The following ACBD5 variants were observed in gnomAD, a reference collection of about 807,000 sequenced individuals.
ACBD5 encodes the protein acyl-CoA-binding domain-containing protein 5.
In ACBD5, 40 loss-of-function variants were observed where a neutral mutation model predicts 71.8. That is an observed-to-expected ratio of 0.56 (90% CI 0.43 to 0.72). The LOEUF (loss-of-function observed/expected upper bound fraction) is 0.72. Among genes scored for constraint, ACBD5 ranks in the 30% least tolerant of loss-of-function variants. ACBD5 has a pLI of 0.00. For synonymous variants in ACBD5, 229 were observed against 218.6 expected, an observed-to-expected ratio of 1.05 and a Z score of -0.42; for missense variants, 559 against 644.5, an observed-to-expected ratio of 0.87 and a Z score of 1.44.
At position 27,204,433 on chromosome 10, in the gene ACBD5, G is replaced by C. The variant is rs377602962; in HGVS notation, c.1565+7C>G. ...TACACCATTTCAAATGATGAAACTG[G>C]TCTTACCTTCTCCTTCTTTGATAGT... On this transcript the variant is annotated splice_region_variant and intron_variant, in intron 12 of 12. Coordinates refer to ENST00000396271, the MANE Select transcript of ACBD5 (RefSeq NM_145698.5). 3.6e-5 allele frequency: 57 copies of C among 1,598,090 alleles called. No homozygotes were observed. The highest frequency in any genetic ancestry group is 4.1e-5 in the Non-Finnish European group (48 of 1,165,878).
intron 8 of ACBD5, among the ~76,000 whole-genome samples, chr10:27,213,877 T>C (rs1341933499): frequency 4.6e-5 from 7 of 152,200 alleles, no homozygotes; most frequent in Non-Finnish European, 7.3e-5. Flanking sequence ...CCCATGTTTA[T>C]TGCAGCACTA....
chr10:27,209,761 A>C (rs2060867356), intron 9 of ACBD5, among the ~76,000 whole-genome samples: 1 of 152,212 alleles, frequency 6.6e-6, no homozygotes, highest in South Asian at 2.1e-4. Context: ...ATTACCCCTT[A>C]TACATGATTT....
At chr10:27,240,936 C>G, upstream of ACBD5, 10 of 607,054 alleles carry the variant, frequency 1.6e-5, no homozygotes, top group South Asian at 2.0e-4. The surrounding 1 kb of genome is among the most constrained non-coding windows in gnomAD (Gnocchi z 4.1). Context: ...GTCCGTCTGT[C>G]CCCAGAGGAG....
intron 6 of ACBD5, among the ~76,000 whole-genome samples, chr10:27,218,805 C>T (rs1271914746): frequency 1.3e-5 from 2 of 151,928 alleles, no homozygotes; most frequent in African/African-American, 2.4e-5. Context: ...AGGCTGGTCT[C>T]GAACTCCCAA....
At chr10:27,186,935 A>C (rs2058794663) in intron 13 of ACBD5, 2 of 242,328 alleles carry the variant, frequency 8.3e-6, no homozygotes, top group Non-Finnish European at 1.6e-5. Context: ...ATTGTAATTT[A>C]CTTGCATATG....
At chr10:27,209,254 AG>A (rs946161711) in intron 9 of ACBD5, among the ~76,000 whole-genome samples, 4 of 152,064 alleles carry the variant, frequency 2.6e-5, no homozygotes, top group Non-Finnish European at 5.9e-5. Context: ...AGGTATTAAA[AG>A]TTACAGTAAA....
chr10:27,205,928 T>C (rs1369642030), intron 10 of ACBD5, among the ~76,000 whole-genome samples: 1 of 152,158 alleles, frequency 6.6e-6, no homozygotes, highest in Non-Finnish European at 1.5e-5. Context: ...TTGTATTGTA[T>C]TTTTGTAGAG....
upstream of ACBD5, chr10:27,241,998 G>GA: frequency 4.4e-6 from 2 of 453,340 alleles, no homozygotes; most frequent in South Asian, 1.6e-5. Flanking sequence ...GGGTTACTAG[G>GA]AAAAATCTAG....
At chr10:27,228,015 G>A (rs1341734524) in intron 4 of ACBD5, among the ~76,000 whole-genome samples, 5 of 151,646 alleles carry the variant, frequency 3.3e-5, no homozygotes, top group African/African-American at 9.7e-5. Flanking sequence ...GCCCGGCCGA[G>A]ATTCCATCTT....
Position 27,223,378 on chromosome 10 carries a change from G to A in ACBD5, c.450C>T (p.Val150=), listed in dbSNP as rs775135904. 2.7e-5 allele frequency: 43 copies of A among 1,613,610 alleles called. No homozygotes were observed. The highest frequency in any genetic ancestry group is 3.0e-5 in the Non-Finnish European group (35 of 1,179,972). The change falls in exon 5 of 13, where the codon GTC becomes GTT. Residue 150 remains valine, a synonymous_variant. Transcript: ENST00000396271. ...AACTCCTGCCACTCTTTTTGTCCTC[G>A]ACAATTTCATAAAATGGACCTATGA... ...LRVIGPFYEI[V]EDKKSGRSSD...
At chr10:27,186,731 A>C (rs2058778071) in intron 13 of ACBD5, 3 of 593,464 alleles carry the variant, frequency 5.1e-6, no homozygotes, top group Non-Finnish European at 6.0e-6. Context: ...CTTAACCTCA[A>C]AACTGTATAT....
At chr10:27,186,076 G>A (rs962855427) in intron 13 of ACBD5, among the ~76,000 whole-genome samples, 7 of 149,024 alleles carry the variant, frequency 4.7e-5, no homozygotes, top group Admixed American at 1.3e-4. Flanking sequence ...GCAACGGAGC[G>A]AGACCTCGTC....
chr10:27,215,259 T>C (rs922436665), intron 8 of ACBD5, among the ~76,000 whole-genome samples: 10 of 152,160 alleles, frequency 6.6e-5, no homozygotes, highest in African/African-American at 2.4e-4. Context: ...GTGTTTTCTC[T>C]GCATCCCCAT....
intron 7 of ACBD5, among the ~76,000 whole-genome samples, chr10:27,216,429 C>T (rs1330571474): frequency 6.6e-6 from 1 of 152,114 alleles, no homozygotes; most frequent in Non-Finnish European, 1.5e-5. Flanking sequence ...GCATGAATCA[C>T]CGCACTCAGC....
intron 13 of ACBD5, chr10:27,186,987 G>A (rs541688252): frequency 4.4e-5 from 10 of 225,286 alleles, no homozygotes; most frequent in Admixed American, 1.1e-4. Context: ...ATCATTTAAG[G>A]CCATACTTGT....
At chr10:27,236,443 A>G (rs1037207059) in intron 2 of ACBD5, among the ~76,000 whole-genome samples, 9 of 152,350 alleles carry the variant, frequency 5.9e-5, no homozygotes, top group Admixed American at 3.9e-4. Context: ...CTATCTCTGA[A>G]TAGTAAGTAT....
chr10:27,187,362 A>G (rs1319537463), intron 13 of ACBD5, among the ~76,000 whole-genome samples: 1 of 152,240 alleles, frequency 6.6e-6, no homozygotes, highest in Non-Finnish European at 1.5e-5. Context: ...ATAAGGAATA[A>G]ACAAAAAGAC....
intron 13 of ACBD5, among the ~76,000 whole-genome samples, chr10:27,185,382 C>T (rs572264456): frequency 4.6e-5 from 7 of 152,218 alleles, no homozygotes; most frequent in East Asian, 1.9e-4. Context: ...CCTATAATCC[C>T]AGCACTTTGG....
At chr10:27,193,570 T>C (rs904918163), downstream of ACBD5, 3 of 152,256 alleles carry the variant, frequency 2.0e-5, 1 homozygote, top group African/African-American at 7.2e-5. Flanking sequence ...AGGAGTCTCC[T>C]GTGTGGGACT....
Sources: allele counts gnomAD v4.1 joint callset (sites outside exome capture counted in the v4.1 genomes callset), GRCh38; gene constraint gnomAD v4.1.1; non-coding constraint Gnocchi (gnomAD v3.1); transcripts MANE v1.5; gene names NCBI Gene and HGNC (gene_info 2026-07-23, HGNC 2026-07-21).